The following UNC5C variants were observed in gnomAD, a reference collection of about 807,000 sequenced individuals.
UNC5C encodes the protein unc-5 netrin receptor C, also known as netrin receptor UNC5C.
Under a neutral mutation model 99.8 loss-of-function variants are expected in UNC5C, and 47 were observed. The observed-to-expected ratio is 0.47, with a 90% CI of 0.37 to 0.60. The LOEUF (loss-of-function observed/expected upper bound fraction) is 0.60, where lower values mean the gene tolerates loss of function less well. UNC5C is among the 20% of genes least tolerant of loss of function. UNC5C has a pLI of 0.00. For missense variants in UNC5C, 1,062 were observed against 1,165.9 expected (o/e 0.91, Z 1.30); for synonymous variants, 487 against 452.2 (o/e 1.08, Z -0.98).
intron 1 of UNC5C, among the ~76,000 whole-genome samples, chr4:95,356,225 A>AAAAAAAAAAAAAAAAAAAAAAT (rs1744195961): frequency 7.3e-6 from 1 of 136,644 alleles, no homozygotes; most frequent in African/African-American, 2.9e-5. Flanking sequence ...AAACAAAAAA[A>AAAAAAAAAAAAAAAAAAAAAAT]AAACAGATTC....
intron 1 of UNC5C, among the ~76,000 whole-genome samples, chr4:95,447,286 T>C (rs956761030): frequency 1.3e-5 from 2 of 152,154 alleles, no homozygotes; most frequent in Non-Finnish European, 2.9e-5. Context: ...CCAAAAATAA[T>C]AGCAGGTCCC....
intron 2 of UNC5C, among the ~76,000 whole-genome samples, chr4:95,329,135 T>A: frequency 6.6e-6 from 1 of 151,932 alleles, no homozygotes; most frequent in South Asian, 2.1e-4. Flanking sequence ...CTACAAAAAA[T>A]GAAAAATTAG....
chr4:95,182,274 G>T (rs1035764190), intron 14 of UNC5C, among the ~76,000 whole-genome samples: 1 of 152,150 alleles, frequency 6.6e-6, no homozygotes, highest in South Asian at 2.1e-4. Context: ...ATGGCCACAG[G>T]GGGGAAATAC....
At chr4:95,317,288 G>T (rs1028693088) in intron 2 of UNC5C, among the ~76,000 whole-genome samples, 1 of 152,176 alleles carries the variant, frequency 6.6e-6, no homozygotes, top group Non-Finnish European at 1.5e-5. Flanking sequence ...CATAATGGCT[G>T]TTTAGCACTT....
intron 1 of UNC5C, among the ~76,000 whole-genome samples, chr4:95,493,496 T>A (rs1371839518): frequency 6.6e-6 from 1 of 151,466 alleles, no homozygotes; most frequent in Non-Finnish European, 1.5e-5. Context: ...AACAATACAC[T>A]TTTTAGTCAG....
rs1737726851 is a variant in UNC5C at position 95,202,725 on chromosome 4, A to G, written c.2136+6T>C. 1.2e-6 allele frequency: 2 copies of G among 1,613,422 alleles called. No individual in the cohort carries two copies. Among genetic ancestry groups the G allele is most frequent in the African/African-American group, 2.7e-5 (2 of 74,932 alleles). On this transcript the variant is annotated splice_donor_region_variant and intron_variant, in intron 12 of 15. Coordinates refer to ENST00000453304, the MANE Select transcript of UNC5C (RefSeq NM_003728.4). Reference sequence around the variant, plus strand: ...GAAGAGGGCAGGCTAGGTGGGAGGCACTTACCTTCAGGGCATCCTGGGTGT... The same window carrying G: ...GAAGAGGGCAGGCTAGGTGGGAGGCGCTTACCTTCAGGGCATCCTGGGTGT...
chr4:95,299,227 C>G (rs1462870367), intron 3 of UNC5C, among the ~76,000 whole-genome samples: 1 of 152,100 alleles, frequency 6.6e-6, no homozygotes, highest in African/African-American at 2.4e-5. Context: ...CACACAGAGA[C>G]ACCAGGGATG....
At chr4:95,372,557 A>T (rs1744778076) in intron 1 of UNC5C, among the ~76,000 whole-genome samples, 1 of 152,208 alleles carries the variant, frequency 6.6e-6, no homozygotes, top group African/African-American at 2.4e-5. Context: ...ATTCCATAAA[A>T]TTGAGAAATA....
intron 5 of UNC5C, chr4:95,248,377 A>C (rs1739576637): frequency 5.9e-6 from 2 of 339,368 alleles, no homozygotes; most frequent in Admixed American, 8.4e-5. Context: ...AAAGAGTAGC[A>C]AGTTATGAAA....
chr4:95,314,952 T>G, intron 2 of UNC5C, among the ~76,000 whole-genome samples: 1 of 152,188 alleles, frequency 6.6e-6, no homozygotes, highest in East Asian at 1.9e-4. Flanking sequence ...ATCTGCATTT[T>G]GAGGCAGTTG....
In UNC5C at chr4:95,185,087, G is replaced by A. The variant is rs745338820; in HGVS notation, c.2246C>T (p.Ala749Val). Reference sequence around the variant, plus strand: ...CAATTTGCTCTTCCAGAGGGAATGGGCGATATCGTGAATTGACAGGCGCAG... The same window carrying A: ...CAATTTGCTCTTCCAGAGGGAATGGACGATATCGTGAATTGACAGGCGCAG... ...HNLRLSIHDIAHSLWKSKLLA... is the reference protein window; with the variant it reads ...HNLRLSIHDIVHSLWKSKLLA... The change falls in exon 13 of 16, where the codon GCC becomes GTC. Residue 749 changes from alanine (A) to valine (V), a missense_variant. By Grantham distance (64) the Ala-to-Val change is moderately conservative. Coordinates refer to ENST00000453304, the MANE Select transcript of UNC5C (RefSeq NM_003728.4). The A allele has an allele frequency of 3.7e-6, 6 of 1,613,766 alleles. No homozygotes were observed. Among genetic ancestry groups the A allele is most frequent in the Non-Finnish European group, 1.7e-6 (2 of 1,179,982 alleles).
In UNC5C at chr4:95,271,229, TTTA is replaced by T. The variant is rs1176090472; in HGVS notation, c.594+7027_594+7029del. 4.0e-3 allele frequency among the ~76,000 whole-genome samples: 413 copies of T among 102,412 alleles called. 1 individual carries two copies. The highest frequency in any genetic ancestry group is 0.016 in the African/African-American group (389 of 23,658). The allele number at this position is 102,412 out of a possible 152,430, so 67.2% of individuals were successfully genotyped here. ...GAACACAGCTGAGGTTTATTTTTTA[TTTA>T]TTTTTTTTTTTTTGAGACGGAGTCT... On this transcript the variant is annotated intron_variant, in intron 4 of 15. Coordinates refer to ENST00000453304, the MANE Select transcript of UNC5C (RefSeq NM_003728.4).
chr4:95,500,085 TA>T (rs1262572955), intron 1 of UNC5C, among the ~76,000 whole-genome samples: 1 of 152,082 alleles, frequency 6.6e-6, no homozygotes, highest in East Asian at 1.9e-4. Context: ...AAACTTAATA[TA>T]AATGATAAAA....
At chr4:95,354,679 T>C (rs1205722885) in intron 1 of UNC5C, among the ~76,000 whole-genome samples, 3 of 151,722 alleles carry the variant, frequency 2.0e-5, no homozygotes, top group East Asian at 3.9e-4. Flanking sequence ...GATGGGGTCA[T>C]GCTATGCTGC....
Position 95,433,494 on chromosome 4 carries a change from A to T in UNC5C, c.125-97863T>A, listed in dbSNP as rs369357129. Among the ~76,000 whole-genome samples, 27 of 152,178 alleles carry T rather than the reference A, an allele frequency of 1.8e-4. No homozygotes were observed. In the South Asian group the frequency reaches 4.1e-3, roughly 23 times the overall value. On this transcript the variant is annotated intron_variant, in intron 1 of 15. Transcript: ENST00000453304. ...AAGAAATTTTGCAGTGAATATCTGT[A>T]TATCTACCACTTCAATTTATTAGTA...
chr4:95,420,021 A>G (rs927790300), intron 1 of UNC5C, among the ~76,000 whole-genome samples: 1 of 152,202 alleles, frequency 6.6e-6, no homozygotes, highest in Non-Finnish European at 1.5e-5. Context: ...ATTACAAAGA[A>G]ATGACATTAT....
chr4:95,199,107 G>C (rs1292187016), intron 12 of UNC5C, among the ~76,000 whole-genome samples: 11 of 152,118 alleles, frequency 7.2e-5, no homozygotes, highest in African/African-American at 2.7e-4. Context: ...AGTCAGGATG[G>C]GGGCAGGCCT....
At chr4:95,284,159 T>G (rs913901199) in intron 3 of UNC5C, among the ~76,000 whole-genome samples, 3 of 152,182 alleles carry the variant, frequency 2.0e-5, no homozygotes, top group African/African-American at 7.2e-5. Flanking sequence ...GGCTACAAAT[T>G]AGCTGTGATG....
intron 1 of UNC5C, among the ~76,000 whole-genome samples, chr4:95,357,451 G>T (rs1336563527): frequency 6.7e-6 from 1 of 150,362 alleles, no homozygotes; most frequent in East Asian, 2.0e-4. Context: ...TTTTTTTTAT[G>T]CTGTTACATG....
Sources: gnomAD v4.1 joint callset for allele counts (sites outside exome capture counted in the v4.1 genomes callset) on GRCh38, gnomAD v4.1.1 for gene constraint, MANE v1.5 for transcripts, NCBI Gene and HGNC (gene_info 2026-07-23, HGNC 2026-07-21) for gene names.